LRBA: variants seen among roughly 807,000 people sequenced by gnomAD.
LRBA encodes LPS responsive beige-like anchor protein, also known as lipopolysaccharide-responsive and beige-like anchor protein.
LRBA carries 176 observed loss-of-function variants against 330.0 expected under a neutral mutation model. That is an observed-to-expected ratio of 0.53 (90% CI 0.47 to 0.60). The LOEUF is 0.60. LRBA is among the 20% of genes least tolerant of loss of function. The pLI, the probability that LRBA is intolerant of heterozygous loss-of-function variation, is 0.00. For missense variants in LRBA, 3,259 were observed against 3,444.8 expected, an observed-to-expected ratio of 0.95 and a Z score of 1.35; for synonymous variants, 1,230 against 1,193.0, an observed-to-expected ratio of 1.03 and a Z score of -0.64.
At chr4:150,693,495 C>T (rs959791170) in intron 36 of LRBA, among the ~76,000 whole-genome samples, 1 of 132,006 alleles carries the variant, frequency 7.6e-6, no homozygotes, top group Non-Finnish European at 1.6e-5. Flanking sequence ...ACCCGGGAGG[C>T]GGAGCTTGCA....
intron 31 of LRBA, among the ~76,000 whole-genome samples, chr4:150,815,689 T>C (rs552376082): frequency 1.3e-5 from 2 of 152,050 alleles, no homozygotes; most frequent in Non-Finnish European, 2.9e-5. Flanking sequence ...ACAAGACTAT[T>C]AATTAAATGT....
intron 40 of LRBA, among the ~76,000 whole-genome samples, chr4:150,505,664 A>C (rs928752244): frequency 1.3e-5 from 2 of 152,336 alleles, no homozygotes; most frequent in Non-Finnish European, 2.9e-5. Context: ...CATCACAATT[A>C]AAAGAACTAG....
At chr4:150,794,506 T>C (rs1740456206) in intron 34 of LRBA, among the ~76,000 whole-genome samples, 2 of 151,684 alleles carry the variant, frequency 1.3e-5, no homozygotes, top group Non-Finnish European at 2.9e-5. Context: ...AATTCAAACA[T>C]AAAACTGACA....
chr4:150,505,219 C>T (rs1160804612), intron 40 of LRBA, among the ~76,000 whole-genome samples: 1 of 152,164 alleles, frequency 6.6e-6, no homozygotes, highest in Non-Finnish European at 1.5e-5. Context: ...CAGCTCTGCA[C>T]CAAGCAGACC....
chr4:150,656,774 A>G (rs1430113601), intron 37 of LRBA, among the ~76,000 whole-genome samples: 2 of 152,236 alleles, frequency 1.3e-5, no homozygotes, highest in Non-Finnish European at 2.9e-5. Context: ...ACTACTAGAT[A>G]TTCAGTGCTT....
intron 30 of LRBA, among the ~76,000 whole-genome samples, chr4:150,823,151 T>G (rs1239659171): frequency 6.6e-6 from 1 of 152,202 alleles, no homozygotes. Flanking sequence ...ATTGTTTTGA[T>G]TTGCATTTTT....
intron 26 of LRBA, among the ~76,000 whole-genome samples, chr4:150,847,088 A>G (rs1749954814): frequency 6.6e-6 from 1 of 152,200 alleles, no homozygotes; most frequent in Non-Finnish European, 1.5e-5. Flanking sequence ...GAAGTATACT[A>G]CAATAGAAAG....
At position 150,599,116 on chromosome 4, in the gene LRBA, G is replaced by C; in HGVS notation, c.5937C>G (p.Phe1979Leu). 6.2e-7 allele frequency: 1 copy of C among 1,614,052 alleles called. No individual in the cohort carries two copies. The highest frequency in any genetic ancestry group is 8.5e-7 in the Non-Finnish European group (1 of 1,179,950). Residue 1979 changes from phenylalanine to leucine, a missense_variant, in exon 38 of 57, where the codon TTC becomes TTG. Transcript: ENST00000651943. The stretch of plus-strand genomic sequence containing the variant: ...CATCTTCCCAGTAGTCAAGGCGCCA[G>C]AACTCAAGAGGACGACTACAATGAA... ...GNSAVSRPLE[F>L]WRLDYWEDDL...
At chr4:150,928,290 TGAA>T (rs1238758087) in intron 4 of LRBA, among the ~76,000 whole-genome samples, 3 of 152,228 alleles carry the variant, frequency 2.0e-5, no homozygotes, top group Non-Finnish European at 4.4e-5. Flanking sequence ...AACAACATTT[TGAA>T]GAAGAATTAA....
intron 17 of LRBA, among the ~76,000 whole-genome samples, chr4:150,880,216 T>C (rs888544543): frequency 1.3e-5 from 2 of 152,162 alleles, no homozygotes; most frequent in Admixed American, 6.5e-5. Context: ...AACTGGACCC[T>C]TACCTTTCAC....
chr4:150,397,485 C>T (rs1744891334), intron 47 of LRBA, among the ~76,000 whole-genome samples: 1 of 151,964 alleles, frequency 6.6e-6, no homozygotes, highest in Non-Finnish European at 1.5e-5. Context: ...ACTATGTTGT[C>T]CAAGCTAGCT....
intron 37 of LRBA, among the ~76,000 whole-genome samples, chr4:150,677,138 C>T (rs1782629263): frequency 6.6e-6 from 1 of 151,966 alleles, no homozygotes; most frequent in Non-Finnish European, 1.5e-5. Context: ...CCCCCCAACC[C>T]CCAAAAATGA....
intron 44 of LRBA, among the ~76,000 whole-genome samples, chr4:150,451,052 G>A (rs1439973005): frequency 6.6e-6 from 1 of 151,660 alleles, no homozygotes; most frequent in East Asian, 1.9e-4. Flanking sequence ...AAACAAAACA[G>A]AACAAACAAA....
chr4:150,559,656 A>AT (rs1193459104), intron 40 of LRBA, among the ~76,000 whole-genome samples: 1 of 44,366 alleles, frequency 2.3e-5, no homozygotes, highest in Admixed American at 5.1e-4. Context: ...TATAATATAT[A>AT]ATTATAATAT....
At chr4:150,642,644 T>C (rs1309041655) in intron 37 of LRBA, among the ~76,000 whole-genome samples, 1 of 151,890 alleles carries the variant, frequency 6.6e-6, no homozygotes, top group Non-Finnish European at 1.5e-5. Context: ...TTCTGTTACT[T>C]TTACATTTTA....
At chr4:150,272,324 A>G (rs558365038) in intron 56 of LRBA, among the ~76,000 whole-genome samples, 1 of 152,312 alleles carries the variant, frequency 6.6e-6, no homozygotes, top group African/African-American at 2.4e-5. Context: ...AAGGTCACCA[A>G]CATCAAAGAC....
intron 34 of LRBA, among the ~76,000 whole-genome samples, chr4:150,778,643 T>G (rs990799054): frequency 6.6e-6 from 1 of 152,182 alleles, no homozygotes; most frequent in Non-Finnish European, 1.5e-5. Context: ...GAAAGCTTAA[T>G]TTCCATAAAG....
intron 36 of LRBA, among the ~76,000 whole-genome samples, chr4:150,729,405 A>G (rs1730140968): frequency 6.6e-6 from 1 of 152,242 alleles, no homozygotes; most frequent in Non-Finnish European, 1.5e-5. Flanking sequence ...CAATAGAAAC[A>G]TACAAAATTA....
intron 56 of LRBA, among the ~76,000 whole-genome samples, chr4:150,268,291 C>A (rs769128845): frequency 6.6e-6 from 1 of 152,072 alleles, no homozygotes; most frequent in Non-Finnish European, 1.5e-5. Flanking sequence ...TAATCAAAAA[C>A]CTCCCAATAA....
Sources: allele counts gnomAD v4.1 joint callset (sites outside exome capture counted in the v4.1 genomes callset), GRCh38; gene constraint gnomAD v4.1.1; transcripts MANE v1.5; gene names NCBI Gene and HGNC (gene_info 2026-07-23, HGNC 2026-07-21).